Variants in BRCA2 observed in about 807,000 individuals in gnomAD.
The protein encoded by BRCA2 is breast cancer type 2 susceptibility protein.
A neutral mutation model predicts 276.7 loss-of-function variants in BRCA2; 203 were observed. That is an observed-to-expected ratio of 0.73 (90% CI 0.65 to 0.82). BRCA2 has a LOEUF of 0.82. Ranked by LOEUF, BRCA2 falls within the 40% of genes least tolerant of loss-of-function variation. The pLI, the probability that BRCA2 is intolerant of heterozygous loss-of-function variation, is 0.00. For synonymous variants in BRCA2, 1,289 were observed against 1,338.4 expected, an observed-to-expected ratio of 0.96 and a Z score of 0.81; for missense variants, 3,920 against 3,915.0, an observed-to-expected ratio of 1.00 and a Z score of -0.03.
intron 24 of BRCA2, among the ~76,000 whole-genome samples, chr13:32,394,206 A>G (rs187780180): frequency 6.6e-6 from 1 of 152,306 alleles, no homozygotes; most frequent in East Asian, 1.9e-4. Flanking sequence ...ATGAGCTAAT[A>G]AAAGTTGCTT....
intron 24 of BRCA2, among the ~76,000 whole-genome samples, chr13:32,393,054 C>T (rs2073008303): frequency 6.6e-6 from 1 of 152,234 alleles, no homozygotes; most frequent in Non-Finnish European, 1.5e-5. Flanking sequence ...TCTGGCAAGA[C>T]TACCACTGAA....
At chr13:32,315,448 G>C (rs1459588398), upstream of BRCA2, 2 of 152,228 alleles carry the variant, frequency 1.3e-5, no homozygotes, top group Non-Finnish European at 2.9e-5. Context: ...GCTGCGTGTC[G>C]CGTCACGGCG....
Position 32,339,809 on chromosome 13 carries a change from A to G in BRCA2, c.5454A>G (p.Ser1818=), listed in dbSNP as rs1057520250. Residue 1818 remains serine, a synonymous_variant, in exon 11 of 27, where the codon TCA becomes TCG. Transcript: ENST00000380152. ...TTGAGGAACTTGTGACTAGCTCTTCACCCTGCAAAAATAAAAATGCAGCCA... is the reference window on the plus strand; with the variant it reads ...TTGAGGAACTTGTGACTAGCTCTTCGCCCTGCAAAAATAAAAATGCAGCCA... ...ICVEELVTSS[S]PCKNKNAAIK... 1.9e-6 allele frequency: 3 copies of G among 1,613,910 alleles called. No homozygotes were observed. Among genetic ancestry groups the G allele is most frequent in the Admixed American group, 1.7e-5 (1 of 60,034 alleles).
Position 32,332,825 on chromosome 13 carries a change from T to C in BRCA2, c.1347T>C (p.Ile449=), listed in dbSNP as rs755908353. 1.2e-6 allele frequency: 2 copies of C among 1,611,796 alleles called. No homozygotes were observed. Among genetic ancestry groups the C allele is most frequent in the Non-Finnish European group, 1.7e-6 (2 of 1,179,472 alleles). Reference sequence around the variant, plus strand: ...CTTCAGAGAATTCTTTGCCACGTATTTCTAGCCTACCAAAATCAGAGAAGC... The same window carrying C: ...CTTCAGAGAATTCTTTGCCACGTATCTCTAGCCTACCAAAATCAGAGAAGC... The part of the protein sequence containing the change: ...FLTSENSLPR[I]SSLPKSEKPL... The change falls in exon 10 of 27, where the codon ATT becomes ATC. Residue 449 remains isoleucine (I), a synonymous_variant. Coordinates refer to ENST00000380152, the MANE Select transcript of BRCA2 (RefSeq NM_000059.4).
intron 18 of BRCA2, among the ~76,000 whole-genome samples, chr13:32,364,649 C>T (rs980303490): frequency 6.6e-6 from 1 of 152,176 alleles, no homozygotes; most frequent in Non-Finnish European, 1.5e-5. Flanking sequence ...TTACAGCTTA[C>T]TGCTTTCCAT....
rs2137562655 is a variant in BRCA2 at position 32,356,523 on chromosome 13, T to C, written c.7531T>C (p.Tyr2511His). Residue 2511 changes from tyrosine (Y) to histidine (H), a missense_variant, in exon 15 of 27, where the codon TAT becomes CAT. Physicochemically the swap from Tyr to His is moderately conservative, Grantham distance 83 (BLOSUM62 2). Transcript: ENST00000380152. ...QRVFPQPGSL[Y>H]LAKTSTLPRI... The stretch of plus-strand genomic sequence containing the variant: ...CGTCTTTCCACAGCCAGGCAGTCTG[T>C]ATCTTGCAAAAACATCCACTCTGCC... The C allele has an allele frequency of 6.2e-7, 1 of 1,614,252 alleles. No individual in the cohort carries two copies. The highest frequency in any genetic ancestry group is 8.5e-7 in the Non-Finnish European group (1 of 1,180,030).
Position 32,398,646 on chromosome 13 carries a change from A to G in BRCA2, c.10133A>G (p.Asp3378Gly). ...STRTAPTSSE[D>G]YLRLKRRCTT... Reference sequence around the variant, plus strand: ...AGGACTGCTCCCACCAGTTCAGAAGATTATCTCAGACTGAAACGACGTTGT... The same window carrying G: ...AGGACTGCTCCCACCAGTTCAGAAGGTTATCTCAGACTGAAACGACGTTGT... The change falls in exon 27 of 27, where the codon GAT becomes GGT. Residue 3378 changes from aspartate (D) to glycine (G), a missense_variant. Physicochemically the swap from Asp to Gly is moderately conservative, Grantham distance 94. Around this residue, in one of 2 missense-constraint regions of BRCA2, gnomAD observed 657 missense variants for 758.2 expected, o/e 0.87. Transcript: ENST00000380152. The G allele has an allele frequency of 6.2e-7, 1 of 1,614,198 alleles. No homozygotes were observed. The highest frequency in any genetic ancestry group is 8.5e-7 in the Non-Finnish European group (1 of 1,180,024).
chr13:32,349,038 A>G (rs1282220549), intron 13 of BRCA2, among the ~76,000 whole-genome samples: 2 of 152,056 alleles, frequency 1.3e-5, no homozygotes, highest in Admixed American at 6.5e-5. Context: ...CCTGGCCAAC[A>G]TGGTAAAATC....
chr13:32,324,977 C>T (rs2137445470), intron 3 of BRCA2, 99 bp from the exon 4 acceptor site: 1 of 811,732 alleles, frequency 1.2e-6, no homozygotes, highest in Admixed American at 2.0e-5. Flanking sequence ...ATTCTCATTC[C>T]CAGTATAGAG....
chr13:32,361,433 C>T (rs925585557), intron 16 of BRCA2, among the ~76,000 whole-genome samples: 5 of 152,046 alleles, frequency 3.3e-5, no homozygotes, highest in Non-Finnish European at 7.4e-5. Flanking sequence ...AGAATACAGT[C>T]GATTCTTTTG....
chr13:32,364,533 A>G (rs1002720845), intron 18 of BRCA2, among the ~76,000 whole-genome samples: 56 of 152,170 alleles, frequency 3.7e-4, no homozygotes, highest in African/African-American at 1.3e-3. Context: ...CTCTACTAAT[A>G]CAGCATGATT....
chr13:32,349,320 C>CA (rs1448382709), intron 13 of BRCA2, among the ~76,000 whole-genome samples: 8 of 141,040 alleles, frequency 5.7e-5, no homozygotes, highest in South Asian at 4.4e-4. Context: ...CTTACACACA[C>CA]ACAAAAAAAA....
At position 32,357,823 on chromosome 13, in the gene BRCA2, T is replaced by G. The variant is rs1555286422; in HGVS notation, c.7699T>G (p.Tyr2567Asp). ...AESFQFHTED[Y>D]FGKESLWTGK... Reference sequence around the variant, plus strand: ...GTCTTTTCAGTTTCACACTGAAGATTATTTTGGTAAGGAAAGTTTATGGAC... The same window carrying G: ...GTCTTTTCAGTTTCACACTGAAGATGATTTTGGTAAGGAAAGTTTATGGAC... The change falls in exon 16 of 27, where the codon TAT (tyrosine) becomes GAT (aspartate). Residue 2567 changes from tyrosine (Y) to aspartate (D), a missense_variant. Tyr to Asp is a radical substitution (Grantham distance 160, BLOSUM62 -3). Coordinates refer to ENST00000380152, the MANE Select transcript of BRCA2 (RefSeq NM_000059.4). The G allele has an allele frequency of 6.2e-7, 1 of 1,613,880 alleles. No homozygotes were observed. Among genetic ancestry groups the G allele is most frequent in the African/African-American group, 1.3e-5 (1 of 75,030 alleles).
intron 13 of BRCA2, among the ~76,000 whole-genome samples, chr13:32,350,833 G>A (rs185618804): frequency 4.6e-5 from 7 of 152,262 alleles, no homozygotes; most frequent in East Asian, 3.9e-4. Flanking sequence ...TGACTTAGCC[G>A]TAATGTAAAT....
At chr13:32,364,501 T>G (rs1391755102) in intron 18 of BRCA2, among the ~76,000 whole-genome samples, 2 of 152,232 alleles carry the variant, frequency 1.3e-5, no homozygotes, top group African/African-American at 4.8e-5. Flanking sequence ...TACATATTTC[T>G]CTACCCTCTT....
At chr13:32,389,895 A>G (rs1228075789) in intron 24 of BRCA2, among the ~76,000 whole-genome samples, 1 of 152,210 alleles carries the variant, frequency 6.6e-6, no homozygotes, top group African/African-American at 2.4e-5. Flanking sequence ...AAGATTCTTC[A>G]GATTTAGGAA....
rs530382932 is a variant in BRCA2, at chr13:32,375,371, C to T, written c.8633-1299C>T. The T allele has an allele frequency of 1.1e-4, 51 of 452,770 alleles. 1 individual carries two copies. In the Middle Eastern group the frequency reaches 2.3e-3, roughly 20 times the overall value. 28.0% of individuals were successfully genotyped at this position (452,770 alleles called of 1,614,324 possible). ...CTTCCTCCACTGAAGTCTTGAACCC[C>T]CCAAAGTCATCCATGAGGGTTGGAA... On this transcript the variant is annotated intron_variant, in intron 20 of 26. Coordinates refer to ENST00000380152, the MANE Select transcript of BRCA2 (RefSeq NM_000059.4).
At chr13:32,376,575 A>G (rs1190024892) in intron 20 of BRCA2, 95 bp from the exon 21 acceptor site, 2 of 1,379,040 alleles carry the variant, frequency 1.5e-6, no homozygotes, top group Non-Finnish European at 2.0e-6. Flanking sequence ...TTATCTTTAA[A>G]TCTCCCTTCT....
intron 8 of BRCA2, among the ~76,000 whole-genome samples, chr13:32,330,311 C>CT (rs1337617886): frequency 6.6e-6 from 1 of 152,230 alleles, no homozygotes; most frequent in Non-Finnish European, 1.5e-5. Context: ...GCTCATATGT[C>CT]TTTCTCCTTC....
Sources: allele counts gnomAD v4.1 joint callset (sites outside exome capture counted in the v4.1 genomes callset), GRCh38; gene constraint gnomAD v4.1.1; regional missense constraint gnomAD v4.1.1; transcripts MANE v1.5; gene names NCBI Gene and HGNC (gene_info 2026-07-23, HGNC 2026-07-21).